The following DCDC1 variants were observed in gnomAD, a reference collection of about 807,000 sequenced individuals.
DCDC1 encodes the protein doublecortin domain-containing protein 1.
In DCDC1, 200 loss-of-function variants were observed where a neutral mutation model predicts 178.3. The ratio of observed to expected loss-of-function variants is 1.12; its 90% CI spans 1.00 to 1.26. DCDC1 has a LOEUF of 1.26. DCDC1 is among the 50% of genes most tolerant of loss of function. The pLI, the probability that DCDC1 is intolerant of heterozygous loss-of-function variation, is 0.00. For synonymous variants in DCDC1, 690 were observed against 604.8 expected (o/e 1.14, Z -2.07); for missense variants, 1,983 against 1,749.2 (o/e 1.13, Z -2.38).
At chr11:31,287,236 C>CA (rs1262004747) in intron 7 of DCDC1, among the ~76,000 whole-genome samples, 1 of 150,152 alleles carries the variant, frequency 6.7e-6, no homozygotes, top group Admixed American at 6.7e-5. Flanking sequence ...AACAAACAAA[C>CA]AAACAAAAAA....
At chr11:31,301,798 A>G (rs918152451) in intron 6 of DCDC1, among the ~76,000 whole-genome samples, 21 of 152,204 alleles carry the variant, frequency 1.4e-4, no homozygotes, top group African/African-American at 5.1e-4. Flanking sequence ...GTGCTCACAC[A>G]TATTCTTGTC....
intron 8 of DCDC1, among the ~76,000 whole-genome samples, chr11:31,253,354 AGATTT>A (rs1944189669): frequency 6.7e-6 from 1 of 149,370 alleles, no homozygotes. Context: ...AGAGTTTTGG[AGATTT>A]TTTTTTTTTT....
chr11:30,955,645 C>G (rs548149510), intron 20 of DCDC1, among the ~76,000 whole-genome samples: 52 of 152,214 alleles, frequency 3.4e-4, no homozygotes, highest in South Asian at 8.3e-4. Context: ...TTTAAGTATC[C>G]GTATTCCAAT....
At chr11:31,005,173 A>G (rs1162877597) in intron 20 of DCDC1, among the ~76,000 whole-genome samples, 1 of 152,166 alleles carries the variant, frequency 6.6e-6, no homozygotes, top group East Asian at 1.9e-4. Flanking sequence ...CTACAATGAA[A>G]TCTTCTCTGT....
At chr11:31,279,933 C>G (rs1296448050) in intron 7 of DCDC1, among the ~76,000 whole-genome samples, 1 of 151,870 alleles carries the variant, frequency 6.6e-6, no homozygotes, top group Non-Finnish European at 1.5e-5. Flanking sequence ...ATTTTTTATT[C>G]TGTAATAGGA....
At chr11:31,339,589 C>G (rs1950443016) in intron 1 of DCDC1, among the ~76,000 whole-genome samples, 1 of 152,124 alleles carries the variant, frequency 6.6e-6, no homozygotes, top group Non-Finnish European at 1.5e-5. Context: ...TTTATGAGAG[C>G]TGAGACTAGT....
chr11:31,211,808 CGCAGTG>C (rs1324099186), intron 9 of DCDC1, among the ~76,000 whole-genome samples: 1 of 152,168 alleles, frequency 6.6e-6, no homozygotes, highest in Admixed American at 6.5e-5. Flanking sequence ...AGCAGCCGGG[CGCAGTG>C]GCTCACACCT....
chr11:31,353,507 T>C (rs1420791710), intron 1 of DCDC1, among the ~76,000 whole-genome samples: 2 of 152,206 alleles, frequency 1.3e-5, no homozygotes, highest in African/African-American at 2.4e-5. Flanking sequence ...ACCTACAACA[T>C]TGGTGACAAT....
At chr11:30,920,720 A>C in intron 25 of DCDC1, 56 bp downstream of exon 25, 1 of 1,593,694 alleles carries the variant, frequency 6.3e-7, no homozygotes. Flanking sequence ...TATCGGGCTA[A>C]TGAGCTGAGT....
chr11:31,082,594 T>G (rs528611686), intron 17 of DCDC1, among the ~76,000 whole-genome samples: 1 of 113,592 alleles, frequency 8.8e-6, no homozygotes, highest in South Asian at 2.7e-4. Flanking sequence ...GATATAGATA[T>G]AGATATCTAT....
chr11:31,108,294 T>G (rs1230918105), intron 12 of DCDC1, among the ~76,000 whole-genome samples: 1 of 152,172 alleles, frequency 6.6e-6, no homozygotes, highest in Non-Finnish European at 1.5e-5. Context: ...AAATGATCAT[T>G]ACTCTCCTCT....
intron 6 of DCDC1, among the ~76,000 whole-genome samples, chr11:31,299,905 T>C (rs1220519384): frequency 6.6e-6 from 1 of 152,200 alleles, no homozygotes; most frequent in Admixed American, 6.5e-5. Flanking sequence ...GTCGCCAAGC[T>C]GGAGTGCAGT....
intron 20 of DCDC1, among the ~76,000 whole-genome samples, chr11:31,045,005 A>G (rs549126573): frequency 6.6e-5 from 10 of 152,254 alleles, no homozygotes; most frequent in African/African-American, 2.2e-4. Flanking sequence ...TTTTTGTTCA[A>G]CCTTGGAATA....
intron 11 of DCDC1, among the ~76,000 whole-genome samples, chr11:31,122,273 G>C (rs866882357): frequency 6.6e-6 from 1 of 152,112 alleles, no homozygotes; most frequent in African/African-American, 2.4e-5. Flanking sequence ...TATAAGTATA[G>C]AGAAAAGTTT....
chr11:31,176,725 C>T (rs1968079425), intron 9 of DCDC1, among the ~76,000 whole-genome samples: 1 of 152,024 alleles, frequency 6.6e-6, no homozygotes, highest in South Asian at 2.1e-4. Flanking sequence ...ATCTTTCAGG[C>T]CAGGAGAGAA....
At chr11:30,898,550 A>C (rs1274005454) in intron 34 of DCDC1, among the ~76,000 whole-genome samples, 1 of 152,202 alleles carries the variant, frequency 6.6e-6, no homozygotes, top group Non-Finnish European at 1.5e-5. Context: ...GGTAGATGGT[A>C]GTAGAACCCT....
chr11:30,949,861 G>A (rs1437070855), intron 21 of DCDC1, among the ~76,000 whole-genome samples: 1 of 151,754 alleles, frequency 6.6e-6, no homozygotes, highest in Non-Finnish European at 1.5e-5. Context: ...GTCGGGGGGT[G>A]GGGGCTAGGG....
At chr11:31,050,306 A>G (rs1955156325) in intron 20 of DCDC1, among the ~76,000 whole-genome samples, 1 of 152,188 alleles carries the variant, frequency 6.6e-6, no homozygotes, top group East Asian at 1.9e-4. Flanking sequence ...AACTCCAGTT[A>G]CCTGGGAATC....
At chr11:31,244,280 T>A (rs186507248) in intron 8 of DCDC1, among the ~76,000 whole-genome samples, 16 of 151,936 alleles carry the variant, frequency 1.1e-4, no homozygotes, top group African/African-American at 3.9e-4. Context: ...CCCATAGATT[T>A]TAACTGGATG....
Sources: allele counts gnomAD v4.1 joint callset (sites outside exome capture counted in the v4.1 genomes callset), GRCh38; gene constraint gnomAD v4.1.1; transcripts MANE v1.5; gene names NCBI Gene and HGNC (gene_info 2026-07-23, HGNC 2026-07-21).